The following AFG2A variants were observed in gnomAD, a reference collection of about 807,000 sequenced individuals.
AFG2A encodes ATPase family gene 2 protein homolog A.
At chr4:123,031,621 G>A in the AFG2A span, among the ~76,000 whole-genome samples, 1 of 152,186 alleles carries the variant, frequency 6.6e-6, no homozygotes, top group Non-Finnish European at 1.5e-5. Context: ...ATCAGAAAAA[G>A]TAGACATACA....
At chr4:122,995,791 G>C in the AFG2A span, among the ~76,000 whole-genome samples, 1 of 152,140 alleles carries the variant, frequency 6.6e-6, no homozygotes, top group Non-Finnish European at 1.5e-5. Flanking sequence ...ACGCTTCTTT[G>C]TATATTTGAT....
At chr4:123,186,099 GATC>G in the AFG2A span, among the ~76,000 whole-genome samples, 10 of 152,196 alleles carry the variant, frequency 6.6e-5, no homozygotes, top group East Asian at 1.7e-3. Context: ...CTAAGCTTTG[GATC>G]ATAAGTAGTT....
At chr4:122,957,642 A>G in the AFG2A span, among the ~76,000 whole-genome samples, 2 of 152,170 alleles carry the variant, frequency 1.3e-5, no homozygotes, top group Non-Finnish European at 2.9e-5. Flanking sequence ...ATTCCACCTC[A>G]GGTTACAGCA....
At chr4:123,208,995 C>G in the AFG2A span, among the ~76,000 whole-genome samples, 159 of 152,196 alleles carry the variant, frequency 1.0e-3, no homozygotes, top group African/African-American at 3.7e-3. Flanking sequence ...CCCACAAACT[C>G]CAGGGAGGGG....
chr4:123,241,862 T>A, the AFG2A span, among the ~76,000 whole-genome samples: 3 of 152,202 alleles, frequency 2.0e-5, no homozygotes, highest in Non-Finnish European at 4.4e-5. Context: ...GCAGATGACA[T>A]GATTGTATAT....
At chr4:123,083,535 A>G in the AFG2A span, among the ~76,000 whole-genome samples, 1 of 150,646 alleles carries the variant, frequency 6.6e-6, no homozygotes, top group East Asian at 1.9e-4. Flanking sequence ...AATAAATCCC[A>G]CTTTATAATG....
chr4:123,169,736 C>T, the AFG2A span, among the ~76,000 whole-genome samples: 6 of 152,330 alleles, frequency 3.9e-5, no homozygotes, highest in Admixed American at 6.5e-5. Flanking sequence ...CCGCCTCTGC[C>T]TCCCAAAGTG....
At chr4:122,938,358 G>T in the AFG2A span, 1 of 1,228,832 alleles carries the variant, frequency 8.1e-7, no homozygotes. Flanking sequence ...TAGGATAAAG[G>T]AAAAATATTA....
chr4:123,026,659 T>C, the AFG2A span, among the ~76,000 whole-genome samples: 1 of 152,236 alleles, frequency 6.6e-6, no homozygotes, highest in Non-Finnish European at 1.5e-5. Context: ...ATATACTTTA[T>C]GTGTGAGACC....
chr4:122,947,498 G>C, the AFG2A span: 1 of 1,597,410 alleles, frequency 6.3e-7, no homozygotes, highest in Non-Finnish European at 8.5e-7. Flanking sequence ...GGTGAGTGTG[G>C]TTTGCTATGG....
chr4:123,055,634 T>C, the AFG2A span, among the ~76,000 whole-genome samples: 1 of 152,220 alleles, frequency 6.6e-6, no homozygotes, highest in Non-Finnish European at 1.5e-5. Flanking sequence ...ACCCGTGATC[T>C]GCATGGAATA....
At chr4:123,135,227 C>CTCTT in the AFG2A span, among the ~76,000 whole-genome samples, 102,224 of 151,654 alleles carry the variant, frequency 0.67, 37,442 homozygotes, top group East Asian at 0.97. Flanking sequence ...GATTAAAAAT[C>CTCTT]TAACAAATTA....
chr4:123,231,386 A>G, the AFG2A span, among the ~76,000 whole-genome samples: 152 of 152,110 alleles, frequency 1.0e-3, no homozygotes, highest in African/African-American at 3.5e-3. Flanking sequence ...GCTAGCTTCA[A>G]ACTTTCTTCT....
the AFG2A span, among the ~76,000 whole-genome samples, chr4:123,074,794 G>A: frequency 6.6e-6 from 1 of 152,134 alleles, no homozygotes; most frequent in African/African-American, 2.4e-5. Flanking sequence ...AGGGAGATGG[G>A]ATTAAAGCCA....
the AFG2A span, among the ~76,000 whole-genome samples, chr4:123,298,652 T>C: frequency 1.3e-5 from 2 of 152,200 alleles, no homozygotes; most frequent in African/African-American, 2.4e-5. Flanking sequence ...AAAGTTACCC[T>C]GGTCATGTTT....
the AFG2A span, among the ~76,000 whole-genome samples, chr4:123,240,492 C>A: frequency 6.6e-6 from 1 of 152,190 alleles, no homozygotes; most frequent in Non-Finnish European, 1.5e-5. Flanking sequence ...AACCGCACAA[C>A]TACATGGAAA....
the AFG2A span, among the ~76,000 whole-genome samples, chr4:123,124,855 A>G: frequency 6.6e-6 from 1 of 152,236 alleles, no homozygotes; most frequent in Admixed American, 6.5e-5. Flanking sequence ...AACTTCGAGT[A>G]TTATACTTCT....
chr4:123,109,065 T>G, the AFG2A span, among the ~76,000 whole-genome samples: 8 of 152,060 alleles, frequency 5.3e-5, no homozygotes, highest in Non-Finnish European at 7.4e-5. Context: ...TATTACTAAG[T>G]GATTTGGGTA....
At chr4:123,163,927 G>A in the AFG2A span, among the ~76,000 whole-genome samples, 1 of 152,198 alleles carries the variant, frequency 6.6e-6, no homozygotes, top group Admixed American at 6.5e-5. Context: ...TTTCAAGAGG[G>A]TGTAGTGATC....
Sources: gnomAD v4.1 joint callset for allele counts (sites outside exome capture counted in the v4.1 genomes callset) on GRCh38, gnomAD v4.1.1 for gene constraint, MANE v1.5 for transcripts, NCBI Gene and HGNC (gene_info 2026-07-23, HGNC 2026-07-21) for gene names.